Variants in PIK3CD observed in about 807,000 individuals in gnomAD.
The protein encoded by PIK3CD is phosphatidylinositol-4,5-bisphosphate 3-kinase catalytic subunit delta, also known as phosphatidylinositol 4,5-bisphosphate 3-kinase catalytic subunit delta isoform.
A neutral mutation model predicts 122.9 loss-of-function variants in PIK3CD; 20 were observed. The observed-to-expected ratio is 0.16, with a 90% CI of 0.11 to 0.24. The LOEUF (loss-of-function observed/expected upper bound fraction) is 0.24, where lower values mean the gene tolerates loss of function less well. PIK3CD is among the 10% of genes least tolerant of loss of function. The probability of loss-of-function intolerance (pLI) is 1.00; values close to 1 mark genes in which losing one functional copy is unlikely to be tolerated. For synonymous variants in PIK3CD, 596 were observed against 593.4 expected (o/e 1.00, Z -0.06); for missense variants, 787 against 1,406.3 (o/e 0.56, Z 7.04).
At chr1:9,708,682 C>T (rs1195143555) in intron 2 of PIK3CD, among the ~76,000 whole-genome samples, 1 of 151,922 alleles carries the variant, frequency 6.6e-6, no homozygotes. Context: ...ACCCCCATCT[C>T]TACTAAAAAT....
At position 9,710,743 on chromosome 1, in the gene PIK3CD, GATCCTCAGATGAGA is replaced by G. The variant is rs1647017711; in HGVS notation, c.141+150_141+163del. On this transcript the variant is annotated intron_variant, in intron 3 of 23. Transcript: ENST00000377346. The surrounding 1 kb of genome is among the most constrained non-coding windows in gnomAD (Gnocchi z 4.7). ...CAGATGCACTGCTTTTCAGACTTGG[GATCCTCAGATGAGA>G]ATTTTAAAAGATAAATAATGGTTTG... The G allele has an allele frequency of 2.4e-6, 2 of 848,434 alleles. No homozygotes were observed. The highest frequency in any genetic ancestry group is 3.9e-5 in the Admixed American group (2 of 51,758). 52.6% of individuals were successfully genotyped at this position (848,434 alleles called of 1,614,324 possible).
In PIK3CD at chr1:9,689,044, A is replaced by C. The variant is rs1431880531; in HGVS notation, c.-137-2423A>C. ...CAGCCAGCAGGCTGGATTTGAGCCC[A>C]GAGCCCGGGCTGGCCAATTACTCGA... On this transcript the variant is annotated intron_variant, in intron 1 of 23. Transcript: ENST00000377346. This position sits in a 1 kb window ranked among gnomAD's most constrained non-coding sequence, Gnocchi z 6.1. 6.6e-6 allele frequency among the ~76,000 whole-genome samples: 1 copy of C among 152,264 alleles called. No homozygotes were observed. The highest frequency in any genetic ancestry group is 1.5e-5 in the Non-Finnish European group (1 of 68,048).
intron 1 of PIK3CD, among the ~76,000 whole-genome samples, chr1:9,673,663 G>A (rs1464672511): frequency 6.6e-6 from 1 of 152,098 alleles, no homozygotes; most frequent in East Asian, 1.9e-4. Flanking sequence ...TCAGCCTCCC[G>A]AAGTGCCGGA....
In PIK3CD at chr1:9,724,263, C is replaced by T; in HGVS notation, c.2719-13C>T. 1.9e-6 allele frequency: 3 copies of T among 1,614,012 alleles called. No individual in the cohort carries two copies. Among genetic ancestry groups the T allele is most frequent in the Non-Finnish European group, 2.5e-6 (3 of 1,179,954 alleles). On this transcript the variant is annotated splice_polypyrimidine_tract_variant and intron_variant, in intron 21 of 23. Transcript: ENST00000377346. This position sits in a 1 kb window ranked among gnomAD's most constrained non-coding sequence, Gnocchi z 7.3. ...ACCTTCTCAATCCTCCCCCTCCTCTCCCCTCCCCTCAGCTGTTCCACATTG... is the reference window on the plus strand; with the variant it reads ...ACCTTCTCAATCCTCCCCCTCCTCTTCCCTCCCCTCAGCTGTTCCACATTG...
At chr1:9,725,907 TAAATA>T (rs1025902137) in intron 23 of PIK3CD, among the ~76,000 whole-genome samples, 3 of 151,466 alleles carry the variant, frequency 2.0e-5, no homozygotes, top group Non-Finnish European at 4.4e-5. Context: ...AAAATAAACA[TAAATA>T]AAAGATATTT....
At position 9,660,705 on chromosome 1, in the gene PIK3CD, C is replaced by T. The variant is rs1490740529; in HGVS notation, c.-138+8903C>T. 3 of 152,206 alleles carry T rather than the reference C, an allele frequency of 2.0e-5. No individual in the cohort carries two copies. In the East Asian group the frequency reaches 5.8e-4, roughly 29 times the overall value. The allele number at this position is 152,206 out of a possible 1,614,324, so 9.4% of individuals were successfully genotyped here. A position where few individuals can be genotyped will look rare whatever the true frequency, so the allele number is the denominator to read the frequency against. ...GCACACACTCGGGAAGGCAGCTGAGCCACCCCTTCATGCCTTTGTCTCCCC... is the reference window on the plus strand; with the variant it reads ...GCACACACTCGGGAAGGCAGCTGAGTCACCCCTTCATGCCTTTGTCTCCCC... On this transcript the variant is annotated intron_variant, in intron 1 of 23. Coordinates refer to ENST00000377346, the MANE Select transcript of PIK3CD (RefSeq NM_005026.5).
Position 9,728,351 on chromosome 1 carries a change from C to T in PIK3CD, c.*1305C>T, listed in dbSNP as rs1201562335. 6.6e-6 allele frequency: 1 copy of T among 152,274 alleles called. No individual in the cohort carries two copies. Among genetic ancestry groups the T allele is most frequent in the Non-Finnish European group, 1.5e-5 (1 of 68,096 alleles). The allele number at this position is 152,274 out of a possible 1,614,324, so 9.4% of individuals were successfully genotyped here. ...TTTAGAAATGCAGGTTCTAGGGCTT[C>T]TCCCAGCCTTCAGAAGCCAACTAAC... On this transcript the variant is annotated 3_prime_UTR_variant, in exon 24 of 24. Coordinates refer to ENST00000377346, the MANE Select transcript of PIK3CD (RefSeq NM_005026.5).
chr1:9,641,067 G>T, the PIK3CD span, among the ~76,000 whole-genome samples: 1 of 151,960 alleles, frequency 6.6e-6, no homozygotes, highest in Non-Finnish European at 1.5e-5. Context: ...TACATTTTTC[G>T]GCAGCACAAC....
intron 6 of PIK3CD, 72 bp downstream of exon 6, chr1:9,716,691 G>A: frequency 6.8e-7 from 1 of 1,472,304 alleles, no homozygotes; most frequent in South Asian, 1.2e-5. Context: ...GAGTCGGGGA[G>A]CTGACATTTG....
chr1:9,629,897 G>C, the PIK3CD span, among the ~76,000 whole-genome samples: 1 of 152,150 alleles, frequency 6.6e-6, no homozygotes, highest in African/African-American at 2.4e-5. Context: ...CGAATTTTGC[G>C]CCATTACTCT....
At chr1:9,638,897 T>C in the PIK3CD span, among the ~76,000 whole-genome samples, 1 of 150,624 alleles carries the variant, frequency 6.6e-6, no homozygotes, top group African/African-American at 2.4e-5. Context: ...CGCCTCAGCC[T>C]CAGGAGGAGC....
chr1:9,642,813 A>T, the PIK3CD span, among the ~76,000 whole-genome samples: 58 of 151,152 alleles, frequency 3.8e-4, no homozygotes, highest in African/African-American at 1.4e-3. Context: ...GCTCTTGGCC[A>T]GGCATGGTGG....
At chr1:9,651,832 G>A (rs1177974606) in intron 1 of PIK3CD, 30 bp downstream of exon 1, 2 of 152,128 alleles carry the variant, frequency 1.3e-5, no homozygotes, top group East Asian at 1.9e-4. Flanking sequence ...TGCGTCAGGG[G>A]AGGTGGGAAG....
intron 1 of PIK3CD, among the ~76,000 whole-genome samples, chr1:9,660,514 A>C (rs1347643162): frequency 1.3e-5 from 2 of 152,158 alleles, no homozygotes; most frequent in Admixed American, 6.6e-5. Flanking sequence ...TGTAAGTGCC[A>C]TTGAGCTGCT....
chr1:9,720,722 C>G lies in PIK3CD; in HGVS notation c.1522-20C>G. ...AGCCGGCGTGGAACCAGAGCCCTCA[C>G]TCCTGCCCACACCCCTCAGCAGCTG... On this transcript the variant is annotated intron_variant, in intron 12 of 23. Transcript: ENST00000377346. This position sits in a 1 kb window ranked among gnomAD's most constrained non-coding sequence, Gnocchi z 9.0. The G allele has an allele frequency of 6.2e-7, 1 of 1,607,868 alleles. No individual in the cohort carries two copies. The highest frequency in any genetic ancestry group is 1.7e-5 in the Admixed American group (1 of 59,602).
At chr1:9,688,400 C>A (rs1203120373) in intron 1 of PIK3CD, 1 of 152,252 alleles carries the variant, frequency 6.6e-6, no homozygotes, top group Non-Finnish European at 1.5e-5. Context: ...CAGCACCAAA[C>A]TAAACTGGTG....
rs1648961370 is a variant in PIK3CD, at chr1:9,723,167, C to T, written c.2469C>T (p.Gly823=). Residue 823 remains glycine, a synonymous_variant, in exon 20 of 24, where the codon GGC becomes GGT. Transcript: ENST00000377346. This position sits in a 1 kb window ranked among gnomAD's most constrained non-coding sequence, Gnocchi z 4.9. ...YGCLPTGDRT[G]LIEVVLRSDT... is the part of the protein sequence containing the mutation. ...GCCTCCCCACCGGGGACCGCACAGGCCTCATTGAGGTGGTACTCCGTTCAG... is the reference window on the plus strand; with the variant it reads ...GCCTCCCCACCGGGGACCGCACAGGTCTCATTGAGGTGGTACTCCGTTCAG... 4.3e-6 allele frequency: 7 copies of T among 1,613,800 alleles called. No homozygotes were observed. Among genetic ancestry groups the T allele is most frequent in the Non-Finnish European group, 5.9e-6 (7 of 1,180,034 alleles).
the PIK3CD span, among the ~76,000 whole-genome samples, chr1:9,644,516 C>T: frequency 4.1e-5 from 6 of 145,460 alleles, no homozygotes; most frequent in Non-Finnish European, 7.5e-5. Flanking sequence ...GACTCCGTCT[C>T]AAATAAATAA....
intron 1 of PIK3CD, chr1:9,653,233 G>C (rs1644733685): frequency 6.3e-6 from 1 of 157,812 alleles, no homozygotes; most frequent in Admixed American, 6.0e-5. Flanking sequence ...TACCGCCCGG[G>C]TGCCTGACGG....
Sources: allele counts gnomAD v4.1 joint callset (sites outside exome capture counted in the v4.1 genomes callset), GRCh38; gene constraint gnomAD v4.1.1; non-coding constraint Gnocchi (gnomAD v3.1); transcripts MANE v1.5; gene names NCBI Gene and HGNC (gene_info 2026-07-23, HGNC 2026-07-21).